The following FARSB variants were observed in gnomAD, a reference collection of about 807,000 sequenced individuals.
The protein encoded by FARSB is phenylalanine--tRNA ligase beta subunit.
Under a neutral mutation model 69.6 loss-of-function variants are expected in FARSB, and 40 were observed. The ratio of observed to expected loss-of-function variants is 0.57; its 90% confidence interval spans 0.45 to 0.75. The LOEUF is 0.75. Ranked by LOEUF, FARSB falls within the 30% of genes least tolerant of loss-of-function variation. The pLI is 0.00. For synonymous variants in FARSB, 235 were observed against 247.2 expected (o/e 0.95, Z 0.46); for missense variants, 632 against 722.9 (o/e 0.87, Z 1.44).
intron 15 of FARSB, among the ~76,000 whole-genome samples, chr2:222,606,149 G>T (rs1559199834): frequency 6.6e-6 from 1 of 152,054 alleles, no homozygotes; most frequent in Non-Finnish European, 1.5e-5. Context: ...ACTCCACACT[G>T]ATTGGCTGGC....
intron 16 of FARSB, among the ~76,000 whole-genome samples, chr2:222,588,929 T>C (rs1040273112): frequency 2.0e-5 from 3 of 152,140 alleles, no homozygotes; most frequent in African/African-American, 7.2e-5. Flanking sequence ...AAAATGGCCA[T>C]ACTGCCCAAG....
chr2:222,633,099 T>C (rs1559211452), intron 7 of FARSB, 100 bp downstream of exon 7: 6 of 735,146 alleles, frequency 8.2e-6, no homozygotes, highest in Non-Finnish European at 1.5e-5. Flanking sequence ...GATTATGAGT[T>C]ATTTGAATTT....
intron 4 of FARSB, among the ~76,000 whole-genome samples, chr2:222,640,393 AG>A (rs1691689961): frequency 6.7e-6 from 1 of 149,932 alleles, no homozygotes; most frequent in South Asian, 2.1e-4. Context: ...AAGAAGCTGC[AG>A]GGGAAGGATC....
intron 2 of FARSB, among the ~76,000 whole-genome samples, chr2:222,645,936 T>C (rs1033853929): frequency 1.3e-5 from 2 of 152,150 alleles, no homozygotes; most frequent in Non-Finnish European, 2.9e-5. Context: ...ACTGTAGAAA[T>C]TTTAAGAGGT....
chr2:222,621,474 C>T (rs934692216), intron 13 of FARSB, among the ~76,000 whole-genome samples: 2 of 152,178 alleles, frequency 1.3e-5, no homozygotes, highest in African/African-American at 4.8e-5. Context: ...CCGCCCGCCT[C>T]GGCCTCCCAA....
At chr2:222,589,588 G>A (rs1387354785) in intron 16 of FARSB, among the ~76,000 whole-genome samples, 2 of 151,608 alleles carry the variant, frequency 1.3e-5, no homozygotes, top group Non-Finnish European at 2.9e-5. Context: ...CCTACAGAAT[G>A]GGAGAAAATT....
chr2:222,591,734 T>C (rs1279941914), intron 16 of FARSB, among the ~76,000 whole-genome samples: 1 of 152,176 alleles, frequency 6.6e-6, no homozygotes, highest in Non-Finnish European at 1.5e-5. Flanking sequence ...CAAGAAGACA[T>C]TTTAAAAGCC....
chr2:222,572,087 C>T (rs1234265780), intron 16 of FARSB, 65 bp from the exon 17 acceptor site: 1 of 1,395,598 alleles, frequency 7.2e-7, no homozygotes, highest in Non-Finnish European at 9.9e-7. Flanking sequence ...AGACATTTAA[C>T]ACTAAAAGCC....
chr2:222,584,099 T>A (rs1690042642), intron 16 of FARSB, among the ~76,000 whole-genome samples: 1 of 152,160 alleles, frequency 6.6e-6, no homozygotes, highest in Non-Finnish European at 1.5e-5. Context: ...TCAATGTTCA[T>A]CTGATTTTGA....
intron 14 of FARSB, among the ~76,000 whole-genome samples, chr2:222,615,193 G>A (rs1324217779): frequency 1.3e-5 from 2 of 152,170 alleles, no homozygotes; most frequent in Admixed American, 1.3e-4. Context: ...TACCAGAAGA[G>A]TTTTATAAGC....
chr2:222,573,711 G>A (rs1267626938), intron 16 of FARSB, among the ~76,000 whole-genome samples: 2 of 152,012 alleles, frequency 1.3e-5, no homozygotes, highest in African/African-American at 4.8e-5. Context: ...AGGACTGCTG[G>A]GAATTATTTA....
In FARSB at chr2:222,572,089, C is replaced by T. The variant is rs894452569; in HGVS notation, c.1619-67G>A. 12 of 1,386,208 alleles carry T rather than the reference C, an allele frequency of 8.7e-6. No individual in the cohort carries two copies. The African/African-American group carries it at 1.7e-4, about 20-fold the overall frequency. The allele number at this position is 1,386,208 out of a possible 1,614,324, so 85.9% of individuals were successfully genotyped here. ...GCAAAACATCAATAGACATTTAACA[C>T]TAAAAGCCCACTAGTCTACTTTAAA... On this transcript the variant is annotated intron_variant, in intron 16 of 16. Transcript: ENST00000281828.
intron 16 of FARSB, among the ~76,000 whole-genome samples, chr2:222,580,679 C>T (rs1689943407): frequency 6.6e-6 from 1 of 151,864 alleles, no homozygotes; most frequent in Non-Finnish European, 1.5e-5. Flanking sequence ...ACAACTACTG[C>T]CTTTAAAAAA....
chr2:222,644,979 C>A (rs1691812159), intron 2 of FARSB, among the ~76,000 whole-genome samples: 1 of 131,286 alleles, frequency 7.6e-6, no homozygotes, highest in Non-Finnish European at 1.7e-5. Context: ...GATCTAATTC[C>A]TTTGCAAAAA....
intron 5 of FARSB, 133 bp from the exon 6 acceptor site, chr2:222,634,674 G>A (rs1574946901): frequency 8.3e-6 from 5 of 600,238 alleles, no homozygotes; most frequent in East Asian, 3.0e-5. Context: ...AATTATTTCA[G>A]ATACTTCCCT....
At chr2:222,580,953 A>T (rs76367693) in intron 16 of FARSB, among the ~76,000 whole-genome samples, 22,334 of 152,126 alleles carry the variant, frequency 0.15, 2,577 homozygotes, top group East Asian at 0.57. Flanking sequence ...AGGAAGGGCC[A>T]GGGGGTCTTG....
At chr2:222,612,819 G>A (rs1288187570) in intron 15 of FARSB, among the ~76,000 whole-genome samples, 2 of 152,164 alleles carry the variant, frequency 1.3e-5, no homozygotes, top group African/African-American at 4.8e-5. Context: ...GCAATCAAGT[G>A]GAGGTACTTA....
At chr2:222,655,568 C>T (rs972650) in intron 1 of FARSB, among the ~76,000 whole-genome samples, 86,372 of 152,056 alleles carry the variant, frequency 0.57, 26,349 homozygotes, top group Middle Eastern at 0.78. Context: ...ATAACAGGCG[C>T]TCAGGAAACA....
intron 13 of FARSB, among the ~76,000 whole-genome samples, chr2:222,621,640 A>G (rs1691138707): frequency 6.6e-6 from 1 of 152,252 alleles, no homozygotes; most frequent in Non-Finnish European, 1.5e-5. Context: ...TGAAGTACAT[A>G]AGCCAACTTA....
Sources: allele counts gnomAD v4.1 joint callset (sites outside exome capture counted in the v4.1 genomes callset), GRCh38; gene constraint gnomAD v4.1.1; transcripts MANE v1.5; gene names NCBI Gene and HGNC (gene_info 2026-07-23, HGNC 2026-07-21).